STK31: variants seen among roughly 807,000 people sequenced by gnomAD.
STK31 encodes serine/threonine-protein kinase 31.
STK31 carries 89 observed loss-of-function variants against 129.7 expected under a neutral mutation model. That is an observed-to-expected ratio of 0.69 (90% CI 0.58 to 0.82). The LOEUF (loss-of-function observed/expected upper bound fraction) is 0.82. Among genes scored for constraint, STK31 ranks in the 40% least tolerant of loss-of-function variants. The pLI is 0.00. For missense variants in STK31, 1,187 were observed against 1,176.4 expected (o/e 1.01, Z -0.13); for synonymous variants, 448 against 395.3 (o/e 1.13, Z -1.58).
At position 23,725,372 on chromosome 7, in the gene STK31, C is replaced by CAAAAAA. The variant is rs57280021; in HGVS notation, c.250-1849_250-1844dup. 6.6e-4 allele frequency among the ~76,000 whole-genome samples: 38 copies of CAAAAAA among 57,660 alleles called. 2 individuals carry two copies. The highest frequency in any genetic ancestry group is 0.017 in the Middle Eastern group (1 of 60). The allele number at this position is 57,660 out of a possible 152,430, so 37.8% of individuals were successfully genotyped here. On this transcript the variant is annotated intron_variant, in intron 4 of 23. Transcript: ENST00000355870. ...GCAACATAGTGAGACCCTGTTTCTA[C>CAAAAAA]AAAAAAAAAAAAAAAAAAAAAAAAA...
chr7:23,716,838 A>G (rs924076989), intron 3 of STK31, among the ~76,000 whole-genome samples: 2 of 147,378 alleles, frequency 1.4e-5, no homozygotes, highest in Non-Finnish European at 3.0e-5. Flanking sequence ...TCCGTCACCA[A>G]GGCTAGAGTG....
At chr7:23,769,418 T>C (rs1584414393) in intron 12 of STK31, among the ~76,000 whole-genome samples, 1 of 152,136 alleles carries the variant, frequency 6.6e-6, no homozygotes, top group East Asian at 1.9e-4. Flanking sequence ...TTGTCCTCTT[T>C]CCTCTTTTAA....
chr7:23,828,022 G>C (rs565307892), intron 23 of STK31, among the ~76,000 whole-genome samples: 18 of 152,326 alleles, frequency 1.2e-4, no homozygotes, highest in African/African-American at 4.1e-4. Context: ...GTGCCTCCCA[G>C]TTAGGCTACT....
At chr7:23,815,471 A>G (rs1793413911) in intron 23 of STK31, among the ~76,000 whole-genome samples, 1 of 152,148 alleles carries the variant, frequency 6.6e-6, no homozygotes, top group Non-Finnish European at 1.5e-5. Context: ...ATGTGTTTCA[A>G]GATCATATTA....
chr7:23,735,499 C>A, intron 6 of STK31, 39 bp from the exon 7 acceptor site: 1 of 1,489,502 alleles, frequency 6.7e-7, no homozygotes, highest in Non-Finnish European at 9.0e-7. Context: ...GGAAGAGAAA[C>A]ATGTTGGTGT....
chr7:23,713,218 A>G (rs1786085983), intron 3 of STK31, among the ~76,000 whole-genome samples: 1 of 152,192 alleles, frequency 6.6e-6, no homozygotes, highest in South Asian at 2.1e-4. Flanking sequence ...ACTGTACTGA[A>G]TGCTGCAGAC....
intron 23 of STK31, among the ~76,000 whole-genome samples, chr7:23,829,758 C>T (rs1172991257): frequency 6.6e-6 from 1 of 152,158 alleles, no homozygotes; most frequent in Non-Finnish European, 1.5e-5. Context: ...CTCTGTGGTC[C>T]TGGACTTTTC....
intron 22 of STK31, chr7:23,811,474 A>G: frequency 6.3e-6 from 2 of 315,522 alleles, no homozygotes. Context: ...CTGTGCTTTC[A>G]GTACCTTCAC....
chr7:23,816,610 G>T (rs767087343), intron 23 of STK31, among the ~76,000 whole-genome samples: 1 of 152,310 alleles, frequency 6.6e-6, no homozygotes, highest in African/African-American at 2.4e-5. Flanking sequence ...GAGGACCTCA[G>T]TTGTTCTCTA....
chr7:23,784,954 A>G (rs1791173475), intron 17 of STK31, among the ~76,000 whole-genome samples: 2 of 152,224 alleles, frequency 1.3e-5, no homozygotes, highest in South Asian at 4.1e-4. Flanking sequence ...CATTTTTGTC[A>G]TTATTTTACC....
intron 11 of STK31, among the ~76,000 whole-genome samples, chr7:23,764,364 C>T (rs1352386148): frequency 6.6e-6 from 1 of 152,074 alleles, no homozygotes; most frequent in Non-Finnish European, 1.5e-5. Context: ...GGCTTGTCTC[C>T]ACTTCTAGTA....
intron 4 of STK31, chr7:23,721,801 C>T (rs1363721424): frequency 4.9e-6 from 3 of 606,112 alleles, no homozygotes; most frequent in East Asian, 6.3e-5. Flanking sequence ...TGATCCTCTA[C>T]AGGCATGATC....
rs1276038590 is a variant in STK31 at position 23,806,947 on chromosome 7, A to C, written c.2761-8197A>C. On this transcript the variant is annotated intron_variant, in intron 22 of 23. Transcript: ENST00000355870. The stretch of plus-strand genomic sequence containing the variant: ...AGAGAGATACAGGATGGACGGACTC[A>C]CTAATCTCTTTAGTACCCTTCCCTG... 2.6e-5 allele frequency among the ~76,000 whole-genome samples: 4 copies of C among 150,982 alleles called. No individual in the cohort carries two copies. The South Asian group carries it at 8.3e-4, about 31-fold the overall frequency.
chr7:23,766,453 G>A (rs1473521345), intron 11 of STK31, among the ~76,000 whole-genome samples: 4 of 151,960 alleles, frequency 2.6e-5, no homozygotes, highest in Non-Finnish European at 1.5e-5. Context: ...GGGGTTTCAC[G>A]ATGTTGGCCG....
chr7:23,766,962 T>G (rs1484767583), intron 11 of STK31, among the ~76,000 whole-genome samples: 1 of 152,240 alleles, frequency 6.6e-6, no homozygotes, highest in East Asian at 1.9e-4. Context: ...GACTTAACCA[T>G]GTAGCTAATG....
intron 23 of STK31, among the ~76,000 whole-genome samples, chr7:23,826,103 G>GTCTA (rs1794133910): frequency 6.6e-6 from 1 of 152,170 alleles, no homozygotes; most frequent in Non-Finnish European, 1.5e-5. Flanking sequence ...TTCTGTAGAT[G>GTCTA]TCTATTAGGT....
chr7:23,811,532 A>G (rs1584486503), intron 22 of STK31: 1 of 266,534 alleles, frequency 3.8e-6, no homozygotes, highest in East Asian at 1.0e-4. Context: ...CAAGTCATCA[A>G]TATTACCCTA....
rs55950645 is a variant in STK31, at chr7:23,735,884, T to A, written c.830T>A (p.Ile277Lys). Reference sequence around the variant, plus strand: ...GATGAAAATGATGCAGGCAATCTTATAACATTTCCAAAGTAAGAATTTAGT... The same window carrying A: ...GATGAAAATGATGCAGGCAATCTTAAAACATTTCCAAAGTAAGAATTTAGT... ...LKDENDAGNL[I>K]TFPKESLAVG... The change falls in exon 7 of 24, where the codon ATA becomes AAA. Residue 277 changes from isoleucine to lysine, a missense_variant. By Grantham distance (102) the Ile-to-Lys change is moderately radical. Coordinates refer to ENST00000355870, the MANE Select transcript of STK31 (RefSeq NM_031414.5). 1.8e-3 allele frequency: 2,910 copies of A among 1,574,234 alleles called. 7 individuals carry two copies. Among genetic ancestry groups the A allele is most frequent in the Non-Finnish European group, 2.2e-3 (2,589 of 1,160,830 alleles).
chr7:23,816,512 A>C (rs1055234670), intron 23 of STK31, among the ~76,000 whole-genome samples: 3 of 152,230 alleles, frequency 2.0e-5, no homozygotes, highest in South Asian at 2.1e-4. Context: ...GCTGGGCTAC[A>C]GTCATCTTAA....
Sources: allele counts gnomAD v4.1 joint callset (sites outside exome capture counted in the v4.1 genomes callset), GRCh38; gene constraint gnomAD v4.1.1; transcripts MANE v1.5; gene names NCBI Gene and HGNC (gene_info 2026-07-23, HGNC 2026-07-21).